The following TBC1D1 variants were observed in gnomAD, a reference collection of about 807,000 sequenced individuals.
TBC1D1 encodes TBC1 domain family member 1, also known as TBC1 (tre-2/USP6, BUB2, cdc16) domain family, member 1.
In TBC1D1, 89 loss-of-function variants were observed where a neutral mutation model predicts 125.6. That is an observed-to-expected ratio of 0.71 (90% CI 0.60 to 0.85). The LOEUF is 0.85. Among genes scored for constraint, TBC1D1 ranks in the 40% least tolerant of loss-of-function variants. The pLI is 0.00. For synonymous variants in TBC1D1, 565 were observed against 564.1 expected, an observed-to-expected ratio of 1.00 and a Z score of -0.02; for missense variants, 1,377 against 1,469.2, an observed-to-expected ratio of 0.94 and a Z score of 1.03.
intron 2 of TBC1D1, among the ~76,000 whole-genome samples, chr4:37,924,543 G>A (rs867870086): frequency 1.1e-4 from 17 of 152,146 alleles, no homozygotes; most frequent in African/African-American, 3.1e-4. Context: ...ACTGCTCCCT[G>A]CCTCCAGACC....
intron 12 of TBC1D1, among the ~76,000 whole-genome samples, chr4:38,066,449 A>T (rs1479568444): frequency 6.6e-6 from 1 of 152,116 alleles, no homozygotes; most frequent in Non-Finnish European, 1.5e-5. Flanking sequence ...CCCCTGCCTC[A>T]GCCTCCTAAG....
chr4:38,054,403 A>T lies in TBC1D1; in HGVS notation c.2050+65A>T, dbSNP rs1033472199. 4.4e-6 allele frequency: 7 copies of T among 1,601,028 alleles called. No homozygotes were observed. In the African/African-American group the frequency reaches 6.7e-5, roughly 15 times the overall value. On this transcript the variant is annotated intron_variant, in intron 12 of 19. Coordinates refer to ENST00000261439, the MANE Select transcript of TBC1D1 (RefSeq NM_015173.4). ...GCTGACAGAGGACCCTGGGAGCCCC[A>T]TCATATTGGTAAGAAAGCAGAGCGC...
chr4:38,116,043 C>A, intron 16 of TBC1D1, 89 bp downstream of exon 18: 1 of 1,432,696 alleles, frequency 7.0e-7, no homozygotes, highest in East Asian at 2.3e-5. Context: ...GCTTTTTCAC[C>A]GTCAGGTAAC....
At chr4:38,025,681 G>A (rs1214015519) in intron 6 of TBC1D1, among the ~76,000 whole-genome samples, 1 of 152,170 alleles carries the variant, frequency 6.6e-6, no homozygotes, top group East Asian at 1.9e-4. Flanking sequence ...TGATACTTCG[G>A]CTGTCAGAGA....
At chr4:37,908,280 A>G (rs2152243252) in intron 2 of TBC1D1, among the ~76,000 whole-genome samples, 1 of 152,192 alleles carries the variant, frequency 6.6e-6, no homozygotes, top group Admixed American at 6.5e-5. Flanking sequence ...ATCTTGGCTC[A>G]CTGCAACCTC....
At chr4:38,131,241 G>C (rs946067918) in intron 18 of TBC1D1, among the ~76,000 whole-genome samples, 1 of 152,200 alleles carries the variant, frequency 6.6e-6, no homozygotes, top group South Asian at 2.1e-4. Flanking sequence ...GGAAAAGCCA[G>C]AGGTTTTGTT....
At chr4:37,905,527 C>T (rs1192488334) in intron 2 of TBC1D1, among the ~76,000 whole-genome samples, 1 of 152,176 alleles carries the variant, frequency 6.6e-6, no homozygotes, top group African/African-American at 2.4e-5. Context: ...AAAATTGCTC[C>T]TGTTTGATGA....
chr4:37,962,667 G>A (rs908735060), intron 2 of TBC1D1, among the ~76,000 whole-genome samples: 34 of 152,194 alleles, frequency 2.2e-4, no homozygotes, highest in African/African-American at 8.2e-4. Flanking sequence ...TGTAAATAAA[G>A]AGGTTTAGCT....
chr4:38,057,166 A>G (rs986318994), intron 12 of TBC1D1, among the ~76,000 whole-genome samples: 2 of 152,096 alleles, frequency 1.3e-5, no homozygotes, highest in African/African-American at 4.8e-5. Context: ...AGCGCTAGGC[A>G]GAGATCACCA....
intron 2 of TBC1D1, among the ~76,000 whole-genome samples, chr4:37,941,455 C>T (rs116386060): frequency 0.078 from 11,905 of 151,898 alleles, 595 homozygotes; most frequent in Middle Eastern, 0.14. Flanking sequence ...TCAATTTTAT[C>T]GATCTTTTCA....
chr4:37,916,459 G>A (rs1719762016), intron 2 of TBC1D1, among the ~76,000 whole-genome samples: 1 of 152,080 alleles, frequency 6.6e-6, no homozygotes, highest in Non-Finnish European at 1.5e-5. Context: ...AGGGGGAAAG[G>A]AAGGGCTAGT....
intron 2 of TBC1D1, among the ~76,000 whole-genome samples, chr4:37,976,092 C>T (rs2152352849): frequency 6.6e-6 from 1 of 152,268 alleles, no homozygotes; most frequent in East Asian, 1.9e-4. Flanking sequence ...ATTCATAAAA[C>T]ACTGTTTTTG....
Position 37,983,816 on chromosome 4 carries a change from G to A in TBC1D1, c.418-30693G>A, listed in dbSNP as rs572509678. ...ACTGTTGGTGATATACATTCTACAG[G>A]TTTGGACAAATGTATAATGACGTAT... On this transcript the variant is annotated intron_variant, in intron 2 of 19. Transcript: ENST00000261439. 3.3e-5 allele frequency among the ~76,000 whole-genome samples: 5 copies of A among 152,288 alleles called. No individual in the cohort carries two copies. The South Asian group carries it at 1.0e-3, about 32-fold the overall frequency.
intron 2 of TBC1D1, among the ~76,000 whole-genome samples, chr4:37,930,691 G>A (rs894472205): frequency 1.6e-4 from 24 of 152,112 alleles, no homozygotes; most frequent in African/African-American, 5.1e-4. Flanking sequence ...GCTGTGTTCT[G>A]TGGTTACAGT....
chr4:38,029,053 G>A (rs1357358621), intron 7 of TBC1D1, among the ~76,000 whole-genome samples: 1 of 152,110 alleles, frequency 6.6e-6, no homozygotes, highest in Non-Finnish European at 1.5e-5. Flanking sequence ...CATGCTGTGT[G>A]TGCTGGCATG....
intron 10 of TBC1D1, among the ~76,000 whole-genome samples, chr4:38,048,588 A>G (rs1749908794): frequency 7.0e-6 from 1 of 142,440 alleles, no homozygotes; most frequent in Non-Finnish European, 1.5e-5. Context: ...TGTTACCTAA[A>G]AGGCACTCAA....
intron 11 of TBC1D1, among the ~76,000 whole-genome samples, chr4:38,052,762 A>ACACACG (rs1309639480): frequency 1.1e-5 from 1 of 94,726 alleles, no homozygotes; most frequent in Non-Finnish European, 2.4e-5. Context: ...ACACACACAC[A>ACACACG]CAGGATAACA....
intron 2 of TBC1D1, among the ~76,000 whole-genome samples, chr4:37,935,900 G>A (rs902579768): frequency 1.3e-5 from 2 of 152,160 alleles, no homozygotes; most frequent in African/African-American, 2.4e-5. Flanking sequence ...GAATATGACA[G>A]CGCTATTCCT....
chr4:38,120,151 C>G, intron 17 of TBC1D1: 4 of 971,988 alleles, frequency 4.1e-6, no homozygotes, highest in Non-Finnish European at 4.9e-6. Context: ...TGGTGAGACT[C>G]GGAGTTTCAT....
Sources: allele counts gnomAD v4.1 joint callset (sites outside exome capture counted in the v4.1 genomes callset), GRCh38; gene constraint gnomAD v4.1.1; transcripts MANE v1.5; gene names NCBI Gene and HGNC (gene_info 2026-07-23, HGNC 2026-07-21).